Variants in MED31 observed in about 807,000 individuals in gnomAD.
MED31 encodes mediator of RNA polymerase II transcription subunit 31.
Under a neutral mutation model 22.0 loss-of-function variants are expected in MED31, and 11 were observed. That is an observed-to-expected ratio of 0.50 (90% CI 0.31 to 0.83). The LOEUF is 0.83. MED31 is among the 40% of genes least tolerant of loss of function. MED31 has a pLI of 0.04. For missense variants in MED31, 122 were observed against 155.3 expected, an observed-to-expected ratio of 0.79 and a Z score of 1.14; for synonymous variants, 60 against 55.1, an observed-to-expected ratio of 1.09 and a Z score of -0.40.
intron 3 of MED31, among the ~76,000 whole-genome samples, chr17:6,645,563 A>T (rs1972756046): frequency 6.6e-6 from 1 of 152,196 alleles, no homozygotes; most frequent in African/African-American, 2.4e-5. Flanking sequence ...TCCTGGGAGG[A>T]TCAAAAGTAT....
intron 1 of MED31, 80 bp downstream of exon 1, chr17:6,651,421 C>CT: frequency 6.3e-7 from 1 of 1,580,128 alleles, no homozygotes; most frequent in East Asian, 2.2e-5. Flanking sequence ...AGAGTAAGGC[C>CT]TGGAAGGAGG....
At chr17:6,647,563 G>A (rs749633957) in intron 3 of MED31, among the ~76,000 whole-genome samples, 22 of 152,220 alleles carry the variant, frequency 1.4e-4, no homozygotes, top group Non-Finnish European at 3.2e-4. Flanking sequence ...TGCTACTGAT[G>A]TGAACACCAC....
At chr17:6,651,245 C>G in intron 1 of MED31, 1 of 452,058 alleles carries the variant, frequency 2.2e-6, no homozygotes, top group Non-Finnish European at 3.9e-6. Context: ...GTTTAACACA[C>G]AAGTCCTCTC....
intron 3 of MED31, among the ~76,000 whole-genome samples, chr17:6,645,323 A>G (rs1972753292): frequency 1.3e-5 from 2 of 152,228 alleles, no homozygotes; most frequent in Admixed American, 1.3e-4. Flanking sequence ...AAACATGTAT[A>G]TGTGTGTGCA....
chr17:6,644,719 A>C, intron 3 of MED31, 60 bp from the exon 4 acceptor site: 1 of 1,471,004 alleles, frequency 6.8e-7, no homozygotes, highest in Non-Finnish European at 9.0e-7. Flanking sequence ...GCCAAGGTAT[A>C]ATTCAGTTAT....
intron 3 of MED31, among the ~76,000 whole-genome samples, chr17:6,646,204 GTAA>G (rs1296569872): frequency 6.6e-6 from 1 of 152,186 alleles, no homozygotes; most frequent in Non-Finnish European, 1.5e-5. Flanking sequence ...TGTAGATTAG[GTAA>G]TAATATTAAT....
At chr17:6,651,281 C>T in intron 1 of MED31, 1 of 592,424 alleles carries the variant, frequency 1.7e-6, no homozygotes, top group Non-Finnish European at 2.9e-6. Flanking sequence ...CGCCAGGGAG[C>T]TGGTGGGGTG....
At position 6,650,502 on chromosome 17, in the gene MED31, G is replaced by A. The variant is rs557014719; in HGVS notation, c.29-69C>T. On this transcript the variant is annotated intron_variant, in intron 1 of 3. Coordinates refer to ENST00000225728, the MANE Select transcript of MED31 (RefSeq NM_016060.3). ...GTATATAATACTGATTTGTAGTAAG[G>A]AAAGAGCAATAAAGAAACCTGACTA... The A allele has an allele frequency of 9.1e-5, 131 of 1,439,186 alleles. 1 individual carries two copies. In the South Asian group the frequency reaches 1.5e-3, roughly 16 times the overall value. 89.2% of individuals were successfully genotyped at this position (1,439,186 alleles called of 1,614,324 possible).
intron 1 of MED31, 70 bp from the exon 2 acceptor site, chr17:6,650,503 A>G: frequency 7.2e-7 from 1 of 1,380,450 alleles, no homozygotes; most frequent in South Asian, 1.2e-5. Flanking sequence ...TGTAGTAAGG[A>G]AAGAGCAATA....
intron 3 of MED31, among the ~76,000 whole-genome samples, chr17:6,645,343 A>T (rs1972753471): frequency 6.6e-6 from 1 of 152,218 alleles, no homozygotes; most frequent in South Asian, 2.1e-4. Flanking sequence ...ATGTATACAC[A>T]TACATACATA....
chr17:6,651,070 G>A (rs571497160), intron 1 of MED31, among the ~76,000 whole-genome samples: 2 of 128,292 alleles, frequency 1.6e-5, no homozygotes, highest in East Asian at 2.4e-4. Context: ...GCAGTGAGCC[G>A]AGATCGCGCC....
rs1972735490 is a variant in MED31 at position 6,644,249 on chromosome 17, G to A, written c.*218C>T. On this transcript the variant is annotated 3_prime_UTR_variant, in exon 4 of 4. Transcript: ENST00000225728. ...CTGATTATGCTAAATGCGTAAAAAA[G>A]AAAAACACCTTACAAATCCACAGGG... 1.8e-6 allele frequency: 1 copy of A among 569,680 alleles called. No homozygotes were observed. Among genetic ancestry groups the A allele is most frequent in the Non-Finnish European group, 2.8e-6 (1 of 357,142 alleles). The allele number at this position is 569,680 out of a possible 1,614,324, so 35.3% of individuals were successfully genotyped here.
chr17:6,651,491 A>G lies in MED31; in HGVS notation c.28+10T>C. On this transcript the variant is annotated intron_variant, in intron 1 of 3. Transcript: ENST00000225728. ...ATCTGCGAAGACTCCAAGATCAGAGAGCTACTCACCTGTCTCCATAGCGAC... is the reference window on the plus strand; with the variant it reads ...ATCTGCGAAGACTCCAAGATCAGAGGGCTACTCACCTGTCTCCATAGCGAC... 2 of 1,614,120 alleles carry G rather than the reference A, an allele frequency of 1.2e-6. No individual in the cohort carries two copies. The highest frequency in any genetic ancestry group is 1.7e-6 in the Non-Finnish European group (2 of 1,180,010).
In MED31 at chr17:6,644,408, A is replaced by T; in HGVS notation, c.*59T>A. ...AAGAGTTTTCATTTTTTTTGTCTTC[A>T]CTGTACAAAAGAAATACATTATATA... On this transcript the variant is annotated 3_prime_UTR_variant, in exon 4 of 4. Transcript: ENST00000225728. 3 of 1,476,004 alleles carry T rather than the reference A, an allele frequency of 2.0e-6. No individual in the cohort carries two copies. The highest frequency in any genetic ancestry group is 1.4e-5 in the African/African-American group (1 of 70,604). The allele number at this position is 1,476,004 out of a possible 1,614,324, so 91.4% of individuals were successfully genotyped here. A position where few individuals can be genotyped will look rare whatever the true frequency, so the allele number is the denominator to read the frequency against.
chr17:6,646,774 C>T (rs1466024399), intron 3 of MED31, among the ~76,000 whole-genome samples: 1 of 152,194 alleles, frequency 6.6e-6, no homozygotes, highest in African/African-American at 2.4e-5. Context: ...AAAGACCTTA[C>T]ATCCCCCAGC....
chr17:6,649,913 A>G lies in MED31; in HGVS notation c.203+69T>C, dbSNP rs949419914. On this transcript the variant is annotated intron_variant, in intron 3 of 3. Transcript: ENST00000225728. ...AGAGATTCCAAATACATTTTTGCCA[A>G]TGTGAAACTAAGAAATCTATTATAT... 7.9e-6 allele frequency: 11 copies of G among 1,386,748 alleles called. No individual in the cohort carries two copies. In the African/African-American group the frequency reaches 1.5e-4, roughly 19 times the overall value. 85.9% of individuals were successfully genotyped at this position (1,386,748 alleles called of 1,614,324 possible).
chr17:6,650,948 T>C (rs1288506833), intron 1 of MED31, among the ~76,000 whole-genome samples: 1 of 150,672 alleles, frequency 6.6e-6, no homozygotes, highest in Non-Finnish European at 1.5e-5. Flanking sequence ...TGAAACCCCG[T>C]CTCTACTAAA....
chr17:6,645,859 TATG>T (rs2150948072), intron 3 of MED31, among the ~76,000 whole-genome samples: 1 of 152,326 alleles, frequency 6.6e-6, no homozygotes, highest in South Asian at 2.1e-4. Flanking sequence ...ATACATGTAA[TATG>T]ATATTTACAT....
chr17:6,645,687 T>C (rs1223338627), intron 3 of MED31, among the ~76,000 whole-genome samples: 2 of 152,164 alleles, frequency 1.3e-5, no homozygotes, highest in Non-Finnish European at 2.9e-5. Context: ...AAGTCCACAC[T>C]AAATGGATGT....
Sources: allele counts gnomAD v4.1 joint callset (sites outside exome capture counted in the v4.1 genomes callset), GRCh38; gene constraint gnomAD v4.1.1; transcripts MANE v1.5; gene names NCBI Gene and HGNC (gene_info 2026-07-23, HGNC 2026-07-21).